AKR1B15: variants seen among roughly 807,000 people sequenced by gnomAD.
The protein encoded by AKR1B15 is estradiol 17-beta-dehydrogenase AKR1B15.
In AKR1B15, 49 loss-of-function variants were observed where a neutral mutation model predicts 38.5. The ratio of observed to expected loss-of-function variants is 1.27; its 90% CI spans 1.01 to 1.62. The LOEUF is 1.62. Ranked by LOEUF, AKR1B15 falls within the 40% of genes most tolerant of loss-of-function variation. The probability of loss-of-function intolerance (pLI) is 0.00; values close to 1 mark genes in which losing one functional copy is unlikely to be tolerated. For synonymous variants in AKR1B15, 137 were observed against 135.5 expected (o/e 1.01, Z -0.08); for missense variants, 411 against 381.6 (o/e 1.08, Z -0.64).
intron 6 of AKR1B15, among the ~76,000 whole-genome samples, chr7:134,572,128 C>A (rs140213694): frequency 6.6e-6 from 1 of 152,026 alleles, no homozygotes; most frequent in Non-Finnish European, 1.5e-5. Context: ...GTTTACGTGC[C>A]GGGAACATCA....
chr7:134,568,130 T>C (rs1794582264), intron 3 of AKR1B15, 28 bp from the exon 4 acceptor site: 1 of 1,613,256 alleles, frequency 6.2e-7, no homozygotes, highest in Non-Finnish European at 8.5e-7. Context: ...AAAATACATG[T>C]GTGATGGGCT....
In AKR1B15 at chr7:134,569,690, T is replaced by TA. The variant is rs1274613199; in HGVS notation, c.435+162dup. On this transcript the variant is annotated intron_variant, in intron 5 of 11. Coordinates refer to ENST00000457545, the MANE Select transcript of AKR1B15 (RefSeq NM_001080538.3). Reference sequence around the variant, plus strand: ...CCACATTAATGTTTTTATAATTTCTTACGCCTGTCTTTACTGCAATCTCTG... The same window carrying TA: ...CCACATTAATGTTTTTATAATTTCTTAACGCCTGTCTTTACTGCAATCTCTG... 12 of 690,824 alleles carry TA rather than the reference T, an allele frequency of 1.7e-5. No homozygotes were observed. The Middle Eastern group carries it at 8.8e-4, about 50-fold the overall frequency. The allele number at this position is 690,824 out of a possible 1,614,324, so 42.8% of individuals were successfully genotyped here. A position where few individuals can be genotyped will look rare whatever the true frequency, so the allele number is the denominator to read the frequency against.
At chr7:134,552,779 T>G (rs189898385) in intron 1 of AKR1B15, among the ~76,000 whole-genome samples, 3 of 152,276 alleles carry the variant, frequency 2.0e-5, no homozygotes, top group Admixed American at 1.3e-4. Flanking sequence ...AACCTATCTT[T>G]GCTTTTGAAC....
intron 10 of AKR1B15, 34 bp downstream of exon 10, chr7:134,577,080 C>T (rs1794781905): frequency 6.3e-7 from 1 of 1,577,416 alleles, no homozygotes; most frequent in South Asian, 1.1e-5. Context: ...TGGTATTCCT[C>T]AGTGGAGTGG....
intron 1 of AKR1B15, among the ~76,000 whole-genome samples, chr7:134,551,096 C>T (rs975003426): frequency 1.3e-5 from 2 of 152,202 alleles, no homozygotes; most frequent in African/African-American, 4.8e-5. Context: ...TCAGCTCCCT[C>T]GATTCCTCCT....
At chr7:134,557,580 G>T (rs537107619) in intron 2 of AKR1B15, among the ~76,000 whole-genome samples, 1 of 152,148 alleles carries the variant, frequency 6.6e-6, no homozygotes, top group East Asian at 1.9e-4. Flanking sequence ...GAACGCACTC[G>T]GTTGACGGTG....
chr7:134,564,571 C>A (rs898868755), intron 2 of AKR1B15, 27 bp from the exon 3 acceptor site: 2 of 678,538 alleles, frequency 2.9e-6, no homozygotes, highest in African/African-American at 1.8e-5. Context: ...GTATTTTTAA[C>A]CTCCTTGTCA....
chr7:134,566,671 T>G (rs1441594193), intron 3 of AKR1B15, among the ~76,000 whole-genome samples: 1 of 152,104 alleles, frequency 6.6e-6, no homozygotes, highest in Non-Finnish European at 1.5e-5. Context: ...CATGGCTAAT[T>G]TCCCTGCTCA....
At chr7:134,564,877 G>C in intron 3 of AKR1B15, 108 bp downstream of exon 3, 1 of 523,932 alleles carries the variant, frequency 1.9e-6, no homozygotes, top group Non-Finnish European at 3.4e-6. Flanking sequence ...GTCAAGTGGG[G>C]ACTTGGAGAA....
Position 134,575,428 on chromosome 7 carries a change from G to A in AKR1B15, c.522G>A (p.Glu174=), listed in dbSNP as rs746992591. 7 of 1,613,688 alleles carry A rather than the reference G, an allele frequency of 4.3e-6. No homozygotes were observed. Among genetic ancestry groups the A allele is most frequent in the Non-Finnish European group, 5.9e-6 (7 of 1,179,804 alleles). Residue 174 remains glutamate, a synonymous_variant, in exon 7 of 12, where the codon GAG becomes GAA. Transcript: ENST00000457545. ...GTFLDAWEAM[E]ELVDEGLVKA... ...ATTCCTTTCTATGATAGGCCATGGA[G>A]GAGCTGGTGGACGAGGGGCTGGTGA...
chr7:134,574,347 C>T (rs1794720150), intron 6 of AKR1B15, among the ~76,000 whole-genome samples: 1 of 152,086 alleles, frequency 6.6e-6, no homozygotes, highest in Non-Finnish European at 1.5e-5. Context: ...TTTTTCCCCT[C>T]TTTTCTCTCT....
At chr7:134,564,164 A>G (rs969591986) in intron 2 of AKR1B15, among the ~76,000 whole-genome samples, 1 of 152,192 alleles carries the variant, frequency 6.6e-6, no homozygotes, top group African/African-American at 2.4e-5. Flanking sequence ...GGCTACTGCT[A>G]TGGGAACCGG....
intron 6 of AKR1B15, among the ~76,000 whole-genome samples, chr7:134,573,791 C>T (rs772971245): frequency 3.7e-4 from 56 of 152,286 alleles, no homozygotes; most frequent in African/African-American, 8.9e-4. Flanking sequence ...TGGTTCTCAA[C>T]GTTGGCTGGG....
At position 134,571,596 on chromosome 7, in the gene AKR1B15, A is replaced by G. The variant is rs758382992; in HGVS notation, c.436-8A>G. On this transcript the variant is annotated splice_polypyrimidine_tract_variant and splice_region_variant and intron_variant, in intron 5 of 11. Coordinates refer to ENST00000457545, the MANE Select transcript of AKR1B15 (RefSeq NM_001080538.3). ...GATTCCAGTAAACTTTTCATTCTGT[A>G]TTTACAGACTGGGGATGACTTTTTC... The G allele has an allele frequency of 1.9e-6, 3 of 1,610,612 alleles. No individual in the cohort carries two copies. The highest frequency in any genetic ancestry group is 4.5e-5 in the East Asian group (2 of 44,852).
chr7:134,554,959 C>T (rs921156893), intron 1 of AKR1B15, among the ~76,000 whole-genome samples: 2 of 152,162 alleles, frequency 1.3e-5, no homozygotes, highest in Non-Finnish European at 2.9e-5. Flanking sequence ...GCATGAACCC[C>T]ATCCTAAAAA....
At chr7:134,559,399 C>G (rs1794313881) in intron 2 of AKR1B15, among the ~76,000 whole-genome samples, 1 of 152,168 alleles carries the variant, frequency 6.6e-6, no homozygotes, top group Middle Eastern at 3.4e-3. Context: ...ATTATGACGA[C>G]CAAAACAAAA....
chr7:134,569,579 A>G, intron 5 of AKR1B15, 50 bp downstream of exon 5: 6 of 1,596,524 alleles, frequency 3.8e-6, no homozygotes, highest in Middle Eastern at 1.7e-4. Flanking sequence ...TGTTGCAGGA[A>G]TTCAGGGACC....
At chr7:134,573,141 C>T (rs1225733195) in intron 6 of AKR1B15, among the ~76,000 whole-genome samples, 1 of 152,188 alleles carries the variant, frequency 6.6e-6, no homozygotes, top group African/African-American at 2.4e-5. Context: ...AACCATTCTC[C>T]TGCCTTGGCC....
At chr7:134,562,848 TTCTTTC>T (rs1794441456) in intron 2 of AKR1B15, among the ~76,000 whole-genome samples, 1 of 94,084 alleles carries the variant, frequency 1.1e-5, no homozygotes, top group South Asian at 3.1e-4. Context: ...CTTTCTTTCT[TTCTTTC>T]TTTCTTTCTT....
Sources: gnomAD v4.1 joint callset for allele counts (sites outside exome capture counted in the v4.1 genomes callset) on GRCh38, gnomAD v4.1.1 for gene constraint, MANE v1.5 for transcripts, NCBI Gene and HGNC (gene_info 2026-07-23, HGNC 2026-07-21) for gene names.